The following KPNA1 variants were observed in gnomAD, a reference collection of about 807,000 sequenced individuals.
KPNA1 encodes importin subunit alpha-5.
A neutral mutation model predicts 70.5 loss-of-function variants in KPNA1; 10 were observed. That is an observed-to-expected ratio of 0.14 (90% CI 0.09 to 0.24). KPNA1 has a LOEUF of 0.24. KPNA1 is among the 10% of genes least tolerant of loss of function. KPNA1 has a pLI of 1.00. For missense variants in KPNA1, 397 were observed against 637.9 expected (o/e 0.62, Z 4.07); for synonymous variants, 192 against 221.9 (o/e 0.87, Z 1.20).
chr3:122,466,287 A>G (rs1285508956), intron 3 of KPNA1, among the ~76,000 whole-genome samples: 2 of 152,152 alleles, frequency 1.3e-5, no homozygotes, highest in Non-Finnish European at 2.9e-5. Flanking sequence ...TTAATATACA[A>G]AAGTTCTCAG....
intron 11 of KPNA1, among the ~76,000 whole-genome samples, chr3:122,436,496 A>G (rs1395646438): frequency 1.3e-5 from 2 of 152,240 alleles, no homozygotes; most frequent in Non-Finnish European, 2.9e-5. Context: ...CCAGACAGCC[A>G]GCTTTAAAAT....
intron 3 of KPNA1, among the ~76,000 whole-genome samples, chr3:122,465,336 T>C (rs1172407360): frequency 1.3e-5 from 2 of 152,240 alleles, no homozygotes; most frequent in Non-Finnish European, 2.9e-5. Context: ...TTGCCTAGCC[T>C]AGCCTACCTT....
chr3:122,448,063 T>C (rs1372196683), intron 9 of KPNA1, among the ~76,000 whole-genome samples: 1 of 152,138 alleles, frequency 6.6e-6, no homozygotes, highest in East Asian at 1.9e-4. Flanking sequence ...CACAATGAGA[T>C]ACTATCTCAC....
At chr3:122,479,074 G>A (rs888660007) in intron 2 of KPNA1, among the ~76,000 whole-genome samples, 10 of 151,976 alleles carry the variant, frequency 6.6e-5, no homozygotes, top group Non-Finnish European at 1.3e-4. Context: ...TGTGAAAGAC[G>A]CTACCAAGAG....
At chr3:122,507,209 G>A (rs890034349) in intron 1 of KPNA1, among the ~76,000 whole-genome samples, 3 of 152,218 alleles carry the variant, frequency 2.0e-5, no homozygotes, top group African/African-American at 7.2e-5. Flanking sequence ...GGGAGGCCAA[G>A]GCGGGCGGAT....
At chr3:122,462,582 T>TA (rs923526783) in intron 4 of KPNA1, among the ~76,000 whole-genome samples, 3,311 of 135,936 alleles carry the variant, frequency 0.024, 70 homozygotes, top group African/African-American at 0.065. Context: ...TGAAAGCCCT[T>TA]AAAAAAAAAA....
Position 122,496,533 on chromosome 3 carries a change from C to A in KPNA1, c.33G>T (p.Leu11=). 1.2e-6 allele frequency: 2 copies of A among 1,613,902 alleles called. No homozygotes were observed. Among genetic ancestry groups the A allele is most frequent in the Non-Finnish European group, 1.7e-6 (2 of 1,179,828 alleles). The change falls in exon 2 of 14, where the codon CTG becomes CTT. Residue 11 remains leucine (L), a synonymous_variant. Coordinates refer to ENST00000344337, the MANE Select transcript of KPNA1 (RefSeq NM_002264.4). ...TCAGAGATTTGTTCTTGTAACTTTTCAGGCGAAAGTTCTCTTTTCCTGGGG... is the reference window on the plus strand; with the variant it reads ...TCAGAGATTTGTTCTTGTAACTTTTAAGGCGAAAGTTCTCTTTTCCTGGGG... MTTPGKENFR[L]KSYKNKSLNP...
At chr3:122,457,276 T>C (rs759296476) in intron 5 of KPNA1, among the ~76,000 whole-genome samples, 1 of 152,110 alleles carries the variant, frequency 6.6e-6, no homozygotes, top group African/African-American at 2.4e-5. Flanking sequence ...CATGAAATAG[T>C]TGTGAAATGG....
In KPNA1 at chr3:122,443,611, G is replaced by C. The variant is rs2076094983; in HGVS notation, c.918-1495C>G. 1.3e-5 allele frequency among the ~76,000 whole-genome samples: 2 copies of C among 152,132 alleles called. 1 individual carries two copies. The highest frequency in any genetic ancestry group is 4.1e-4 in the South Asian group (2 of 4,826). ...AGTGTTGGCCAGTCTAAGAAATAAA[G>C]AGAAAGAGTACAAAAGAGAGAAATT... is the stretch of plus-strand genomic sequence containing the variant. On this transcript the variant is annotated intron_variant, in intron 9 of 13. Transcript: ENST00000344337.
At chr3:122,505,214 T>C (rs1576350486) in intron 1 of KPNA1, among the ~76,000 whole-genome samples, 1 of 145,802 alleles carries the variant, frequency 6.9e-6, no homozygotes, top group East Asian at 2.0e-4. Flanking sequence ...GAGGCATAAG[T>C]ATGGCTTGAA....
At chr3:122,478,347 C>T (rs559934417) in intron 2 of KPNA1, among the ~76,000 whole-genome samples, 12 of 151,926 alleles carry the variant, frequency 7.9e-5, no homozygotes, top group East Asian at 3.9e-4. Flanking sequence ...CTAGGCCACG[C>T]GCATTGGCTC....
At chr3:122,502,876 G>C (rs1390602734) in intron 1 of KPNA1, among the ~76,000 whole-genome samples, 4 of 152,100 alleles carry the variant, frequency 2.6e-5, no homozygotes, top group Non-Finnish European at 5.9e-5. Flanking sequence ...CCAGCACTTT[G>C]GGAGGCCAAG....
At chr3:122,479,953 T>A (rs2076551880) in intron 2 of KPNA1, among the ~76,000 whole-genome samples, 2 of 152,110 alleles carry the variant, frequency 1.3e-5, no homozygotes, top group Admixed American at 1.3e-4. Context: ...CTATGGTGCA[T>A]CCAGACAATG....
At position 122,464,046 on chromosome 3, in the gene KPNA1, G is replaced by T. The variant is rs746316812; in HGVS notation, c.238-5C>A. 1.3e-6 allele frequency: 2 copies of T among 1,513,284 alleles called. No homozygotes were observed. The highest frequency in any genetic ancestry group is 1.8e-6 in the Non-Finnish European group (2 of 1,109,290). 93.7% of individuals were successfully genotyped at this position (1,513,284 alleles called of 1,614,324 possible). ...GTCAGAAGTGATGACACCACCCTGC[G>T]ATCACAAACAAAAAGAACATATAAT... is the stretch of plus-strand genomic sequence containing the variant. On this transcript the variant is annotated splice_polypyrimidine_tract_variant and splice_region_variant and intron_variant, in intron 3 of 13. Transcript: ENST00000344337.
chr3:122,451,777 C>G lies in KPNA1; in HGVS notation c.654-144G>C, dbSNP rs2076205212. 3 of 697,652 alleles carry G rather than the reference C, an allele frequency of 4.3e-6. No homozygotes were observed. In the East Asian group the frequency reaches 8.3e-5, roughly 19 times the overall value. 43.2% of individuals were successfully genotyped at this position (697,652 alleles called of 1,614,324 possible). A position where few individuals can be genotyped will look rare whatever the true frequency, so the allele number is the denominator to read the frequency against. Reference sequence around the variant, plus strand: ...CATTAAAACTTCATTAATTCTGATGCAAGTAATTCAGAATTCAGAATTTTG... The same window carrying G: ...CATTAAAACTTCATTAATTCTGATGGAAGTAATTCAGAATTCAGAATTTTG... On this transcript the variant is annotated intron_variant, in intron 7 of 13. Coordinates refer to ENST00000344337, the MANE Select transcript of KPNA1 (RefSeq NM_002264.4).
At chr3:122,488,849 C>T (rs111293225) in intron 2 of KPNA1, among the ~76,000 whole-genome samples, 5 of 152,144 alleles carry the variant, frequency 3.3e-5, no homozygotes, top group East Asian at 1.9e-4. Context: ...TATGCCATGA[C>T]GTAGTTTTCT....
intron 5 of KPNA1, among the ~76,000 whole-genome samples, chr3:122,460,846 G>C (rs1303379092): frequency 6.6e-6 from 1 of 151,952 alleles, no homozygotes; most frequent in Non-Finnish European, 1.5e-5. Context: ...ATAAGACTCT[G>C]ATCTAGCCCA....
intron 2 of KPNA1, among the ~76,000 whole-genome samples, chr3:122,470,381 G>T (rs543628764): frequency 2.6e-5 from 4 of 151,852 alleles, no homozygotes; most frequent in Non-Finnish European, 4.4e-5. Context: ...GCGTGGCAGC[G>T]GGCGCCTGTA....
At chr3:122,435,871 T>C (rs966487019) in intron 11 of KPNA1, among the ~76,000 whole-genome samples, 3 of 151,220 alleles carry the variant, frequency 2.0e-5, no homozygotes, top group African/African-American at 7.3e-5. Flanking sequence ...TCATAAAGCA[T>C]GTGTGTTTAA....
Sources: gnomAD v4.1 joint callset for allele counts (sites outside exome capture counted in the v4.1 genomes callset) on GRCh38, gnomAD v4.1.1 for gene constraint, MANE v1.5 for transcripts, NCBI Gene and HGNC (gene_info 2026-07-23, HGNC 2026-07-21) for gene names.